TBC1D31: variants seen among roughly 807,000 people sequenced by gnomAD.
The protein encoded by TBC1D31 is TBC1 domain family member 31.
In TBC1D31, 99 loss-of-function variants were observed where a neutral mutation model predicts 132.9. That is an observed-to-expected ratio of 0.74 (90% CI 0.63 to 0.88). The LOEUF is 0.88. TBC1D31 is among the 40% of genes least tolerant of loss of function. TBC1D31 has a pLI of 0.00. For synonymous variants in TBC1D31, 385 were observed against 419.4 expected (o/e 0.92, Z 1.00); for missense variants, 1,134 against 1,256.6 (o/e 0.90, Z 1.48).
At chr8:123,160,985 G>A in the TBC1D31 span, among the ~76,000 whole-genome samples, 1 of 152,160 alleles carries the variant, frequency 6.6e-6, no homozygotes, top group Admixed American at 6.5e-5. Flanking sequence ...GCGCCCTGCT[G>A]GAGTCCGGAA....
chr8:123,158,759 ATCTCGGAG>A, the TBC1D31 span, among the ~76,000 whole-genome samples: 1 of 152,084 alleles, frequency 6.6e-6, no homozygotes, highest in Non-Finnish European at 1.5e-5. Flanking sequence ...GCGAAGAGGA[ATCTCGGAG>A]TGGATGGGGG....
At chr8:123,151,678 T>A (rs989082304) in intron 21 of TBC1D31, 128 bp from the exon 22 acceptor site, 1 of 965,734 alleles carries the variant, frequency 1.0e-6, no homozygotes, top group African/African-American at 1.7e-5. Context: ...AGGTTATATG[T>A]AAAATTTAGG....
At position 123,118,304 on chromosome 8, in the gene TBC1D31, T is replaced by C. The variant is rs554851627; in HGVS notation, c.1437-1751T>C. 3.3e-5 allele frequency among the ~76,000 whole-genome samples: 5 copies of C among 152,326 alleles called. No individual in the cohort carries two copies. The East Asian group carries it at 9.6e-4, about 29-fold the overall frequency. ...TTTCTTAGTACTGATCATTGTACTATTTGCAAGCTGTTAACATTAGGGGAA... is the reference window on the plus strand; with the variant it reads ...TTTCTTAGTACTGATCATTGTACTACTTGCAAGCTGTTAACATTAGGGGAA... On this transcript the variant is annotated intron_variant, in intron 10 of 21. Transcript: ENST00000287380.
chr8:123,150,876 A>C (rs1822711258), intron 21 of TBC1D31, among the ~76,000 whole-genome samples: 1 of 152,250 alleles, frequency 6.6e-6, no homozygotes, highest in Non-Finnish European at 1.5e-5. Flanking sequence ...TGCCATATAG[A>C]TGAAGCAGTA....
chr8:123,090,096 A>G (rs1816186592), intron 4 of TBC1D31, among the ~76,000 whole-genome samples: 1 of 152,242 alleles, frequency 6.6e-6, no homozygotes, highest in Non-Finnish European at 1.5e-5. Context: ...AATAGCAGTA[A>G]TTATTAGTAA....
At chr8:123,155,742 T>C (rs1277103966), downstream of TBC1D31, among the ~76,000 whole-genome samples, 1 of 152,212 alleles carries the variant, frequency 6.6e-6, no homozygotes, top group Non-Finnish European at 1.5e-5. The surrounding 1 kb of genome is among the most constrained non-coding windows in gnomAD (Gnocchi z 4.1). Context: ...GAGTATTCTT[T>C]AACCCTTCCC....
rs1401401382 is a variant in TBC1D31 at position 123,109,595 on chromosome 8, A to T, written c.1411A>T (p.Arg471Trp). The change falls in exon 10 of 22, where the codon AGG becomes TGG. Residue 471 changes from arginine (R) to tryptophan (W), a missense_variant. Transcript: ENST00000287380. Reference sequence around the variant, plus strand: ...TCAGAAGAAATACCCCATCAAAAGTAGGAAGCTACTCAGAGTATTACAGAG... The same window carrying T: ...TCAGAAGAAATACCCCATCAAAAGTTGGAAGCTACTCAGAGTATTACAGAG... ...NLQKKYPIKS[R>W]KLLRVLQRTL... 2 of 1,613,640 alleles carry T rather than the reference A, an allele frequency of 1.2e-6. No homozygotes were observed. The highest frequency in any genetic ancestry group is 1.1e-5 in the South Asian group (1 of 91,056).
chr8:123,161,901 C>A, the TBC1D31 span, among the ~76,000 whole-genome samples: 1 of 151,382 alleles, frequency 6.6e-6, no homozygotes, highest in African/African-American at 2.4e-5. Flanking sequence ...GCCTGTGATC[C>A]CAGCTACTCG....
the TBC1D31 span, among the ~76,000 whole-genome samples, chr8:123,163,871 C>T: frequency 2.6e-5 from 4 of 152,132 alleles, no homozygotes; most frequent in Non-Finnish European, 5.9e-5. Context: ...TAAGTACATT[C>T]ATAGCATTGT....
rs1373742421 is a variant in TBC1D31 at position 123,106,910 on chromosome 8, G to A, written c.1209+1446G>A. Among the ~76,000 whole-genome samples the A allele has an allele frequency of 3.9e-5, 6 of 152,132 alleles. No homozygotes were observed. In the South Asian group the frequency reaches 8.3e-4, roughly 21 times the overall value. On this transcript the variant is annotated intron_variant, in intron 8 of 21. Transcript: ENST00000287380. ...CAGAAGAAACCAGGCACAAGCTTCC[G>A]GGAATCTTCTCCCACTGGAGTCACA...
chr8:123,117,644 T>A (rs1819063076), intron 10 of TBC1D31, among the ~76,000 whole-genome samples: 1 of 150,130 alleles, frequency 6.7e-6, no homozygotes, highest in Non-Finnish European at 1.5e-5. Context: ...TCCCAGCTAC[T>A]CGGGAGGCTG....
intron 4 of TBC1D31, among the ~76,000 whole-genome samples, chr8:123,093,270 A>C (rs143385606): frequency 1.2e-3 from 179 of 152,306 alleles, no homozygotes; most frequent in African/African-American, 3.9e-3. Context: ...TTTTAAAAGT[A>C]AAATTGATAC....
the TBC1D31 span, among the ~76,000 whole-genome samples, chr8:123,162,497 T>C: frequency 6.6e-6 from 1 of 152,004 alleles, no homozygotes; most frequent in Non-Finnish European, 1.5e-5. Flanking sequence ...GGCAGGTGGT[T>C]ACAGAGAGCT....
At chr8:123,095,720 G>A (rs1816775506) in intron 5 of TBC1D31, among the ~76,000 whole-genome samples, 5 of 152,148 alleles carry the variant, frequency 3.3e-5, no homozygotes, top group Admixed American at 3.3e-4. Flanking sequence ...TTTCTGGTAT[G>A]ACAAGATGTT....
At chr8:123,099,779 T>G (rs1563694704) in intron 6 of TBC1D31, among the ~76,000 whole-genome samples, 2 of 152,222 alleles carry the variant, frequency 1.3e-5, no homozygotes, top group Non-Finnish European at 2.9e-5. Context: ...CTGGGTAATT[T>G]ATAAACAATG....
intron 12 of TBC1D31, 119 bp downstream of exon 12, chr8:123,126,308 T>C: frequency 7.5e-7 from 1 of 1,335,704 alleles, no homozygotes. Flanking sequence ...GTTGTATTTT[T>C]AACAGTATTC....
chr8:123,140,947 A>T (rs774240468), intron 18 of TBC1D31, 46 bp downstream of exon 18: 10 of 1,556,100 alleles, frequency 6.4e-6, no homozygotes, highest in Non-Finnish European at 8.8e-6. Flanking sequence ...AGAAATTTTC[A>T]TCTGTCACCC....
chr8:123,163,676 A>G, the TBC1D31 span, among the ~76,000 whole-genome samples: 1 of 151,944 alleles, frequency 6.6e-6, no homozygotes, highest in Non-Finnish European at 1.5e-5. Context: ...CATTTTAACC[A>G]TTTTTAAAAA....
chr8:123,152,483 C>T (rs1563766622), downstream of TBC1D31, among the ~76,000 whole-genome samples: 1 of 152,194 alleles, frequency 6.6e-6, no homozygotes, highest in Non-Finnish European at 1.5e-5. Flanking sequence ...CTTCCTCCCT[C>T]CCTCCACTTC....
Sources: gnomAD v4.1 joint callset for allele counts (sites outside exome capture counted in the v4.1 genomes callset) on GRCh38, gnomAD v4.1.1 for gene constraint, Gnocchi (gnomAD v3.1) non-coding constraint, MANE v1.5 for transcripts, NCBI Gene and HGNC (gene_info 2026-07-23, HGNC 2026-07-21) for gene names.